The following DOCK1 variants were observed in gnomAD, a reference collection of about 807,000 sequenced individuals.
The protein encoded by DOCK1 is dedicator of cytokinesis protein 1.
Under a neutral mutation model 262.7 loss-of-function variants are expected in DOCK1, and 138 were observed. The observed-to-expected ratio is 0.53, with a 90% confidence interval of 0.46 to 0.61. The LOEUF is 0.61. DOCK1 is among the 20% of genes least tolerant of loss of function. The probability of loss-of-function intolerance (pLI) is 0.00; values close to 1 mark genes in which losing one functional copy is unlikely to be tolerated. For missense variants in DOCK1, 1,908 were observed against 2,370.7 expected (o/e 0.80, Z 4.05); for synonymous variants, 866 against 867.4 (o/e 1.00, Z 0.03).
intron 1 of DOCK1, among the ~76,000 whole-genome samples, chr10:126,957,011 G>A (rs894736789): frequency 1.3e-5 from 2 of 152,142 alleles, no homozygotes; most frequent in Non-Finnish European, 2.9e-5. Context: ...GGGAACATGG[G>A]CTCTCCCTGG....
At chr10:127,221,711 T>A (rs1484245212) in intron 27 of DOCK1, among the ~76,000 whole-genome samples, 1 of 152,240 alleles carries the variant, frequency 6.6e-6, no homozygotes, top group Non-Finnish European at 1.5e-5. Context: ...TGGGCAGAGC[T>A]GTCCGGTGCA....
intron 1 of DOCK1, among the ~76,000 whole-genome samples, chr10:126,949,493 C>G (rs1209178186): frequency 6.6e-6 from 1 of 152,106 alleles, no homozygotes. Flanking sequence ...ATGATGAGAC[C>G]CATTCTTGTG....
At chr10:127,444,904 G>T (rs2070436112) in intron 50 of DOCK1, among the ~76,000 whole-genome samples, 1 of 151,240 alleles carries the variant, frequency 6.6e-6, no homozygotes, top group Non-Finnish European at 1.5e-5. Flanking sequence ...TTGGCTTGTG[G>T]CCACATCACT....
At chr10:127,015,115 T>C (rs1302917197) in intron 12 of DOCK1, 1 of 151,924 alleles carries the variant, frequency 6.6e-6, no homozygotes, top group Non-Finnish European at 1.5e-5. Flanking sequence ...TTTCTATTGG[T>C]GGTTCTTCCT....
intron 27 of DOCK1, among the ~76,000 whole-genome samples, chr10:127,178,060 C>T (rs1365218562): frequency 1.3e-5 from 2 of 152,128 alleles, no homozygotes; most frequent in Admixed American, 6.5e-5. Context: ...GTTAGCATGA[C>T]AGGCCGAGGT....
chr10:127,052,676 A>T lies in DOCK1; in HGVS notation c.2202-5A>T, dbSNP rs1382115724. 6.2e-7 allele frequency: 1 copy of T among 1,613,960 alleles called. No individual in the cohort carries two copies. Among genetic ancestry groups the T allele is most frequent in the East Asian group, 2.2e-5 (1 of 44,884 alleles). ...CTTATTTGTGCGTGTTTGCATTGTG[A>T]ATAGGAAGTTGACAAAAGTGTTGAA... On this transcript the variant is annotated splice_polypyrimidine_tract_variant and splice_region_variant and intron_variant, in intron 21 of 51. Transcript: ENST00000623213.
At chr10:127,113,877 T>TGGA (rs1247683161) in intron 25 of DOCK1, among the ~76,000 whole-genome samples, 1 of 152,206 alleles carries the variant, frequency 6.6e-6, no homozygotes, top group Non-Finnish European at 1.5e-5. Flanking sequence ...CTCTGCAGGA[T>TGGA]GGACATGCTT....
At chr10:127,259,854 C>T (rs1348327738) in intron 29 of DOCK1, among the ~76,000 whole-genome samples, 1 of 149,398 alleles carries the variant, frequency 6.7e-6, no homozygotes, top group African/African-American at 2.5e-5. Flanking sequence ...CCGCATCATT[C>T]TCTCTTCCTA....
At chr10:126,949,749 C>T (rs1275424807) in intron 1 of DOCK1, among the ~76,000 whole-genome samples, 7 of 152,102 alleles carry the variant, frequency 4.6e-5, no homozygotes, top group African/African-American at 1.4e-4. Context: ...ACAAGGTTTG[C>T]TTGTGACAGT....
intron 27 of DOCK1, among the ~76,000 whole-genome samples, chr10:127,153,160 TTTTG>T (rs1374950343): frequency 6.6e-6 from 1 of 152,254 alleles, no homozygotes; most frequent in Non-Finnish European, 1.5e-5. Flanking sequence ...CGCTTTTATA[TTTTG>T]TTTGTGAAAA....
At chr10:127,133,726 T>G (rs1408702064) in intron 27 of DOCK1, among the ~76,000 whole-genome samples, 1 of 152,220 alleles carries the variant, frequency 6.6e-6, no homozygotes, top group African/African-American at 2.4e-5. Context: ...CAGACTGCCT[T>G]AAGTTAATTT....
At chr10:126,958,880 C>A (rs1007720816) in intron 1 of DOCK1, among the ~76,000 whole-genome samples, 8,999 of 152,234 alleles carry the variant, frequency 0.059, 306 homozygotes, top group African/African-American at 0.078. Context: ...TATGAGTGAC[C>A]ATGGCCCGTG....
chr10:126,949,443 C>T (rs1487964360), intron 1 of DOCK1, among the ~76,000 whole-genome samples: 1 of 152,136 alleles, frequency 6.6e-6, no homozygotes, highest in Admixed American at 6.5e-5. Context: ...CTATACATGG[C>T]AGTCCAAAGT....
chr10:127,114,513 T>C (rs1299338533), intron 25 of DOCK1, among the ~76,000 whole-genome samples: 2 of 152,138 alleles, frequency 1.3e-5, no homozygotes, highest in African/African-American at 4.8e-5. Context: ...AAGAGTCTTC[T>C]CTGAGCAGTT....
intron 26 of DOCK1, among the ~76,000 whole-genome samples, chr10:127,127,413 C>CT (rs1258743182): frequency 6.6e-6 from 1 of 152,090 alleles, no homozygotes; most frequent in Non-Finnish European, 1.5e-5. Context: ...AACAGATTTT[C>CT]TTTTATTTTT....
At chr10:127,284,950 T>G (rs915008661) in intron 29 of DOCK1, among the ~76,000 whole-genome samples, 1 of 152,048 alleles carries the variant, frequency 6.6e-6, no homozygotes, top group Non-Finnish European at 1.5e-5. Flanking sequence ...CTGGGCAATA[T>G]AGTCAGACCT....
intron 29 of DOCK1, among the ~76,000 whole-genome samples, chr10:127,314,048 A>G (rs1331732323): frequency 6.6e-6 from 1 of 152,152 alleles, no homozygotes; most frequent in Admixed American, 6.5e-5. Context: ...GCCCGTGAAT[A>G]ATGAGGCTGG....
intron 1 of DOCK1, among the ~76,000 whole-genome samples, chr10:126,949,937 A>C (rs970237780): frequency 2.0e-5 from 3 of 152,014 alleles, no homozygotes; most frequent in Admixed American, 1.3e-4. Context: ...GTTATGCAGC[A>C]TGCAGTGTTG....
intron 29 of DOCK1, among the ~76,000 whole-genome samples, chr10:127,277,524 G>A (rs2060784599): frequency 2.0e-5 from 3 of 152,092 alleles, no homozygotes; most frequent in Non-Finnish European, 2.9e-5. Flanking sequence ...TTGGGAGGCC[G>A]AGGCAGGTGG....
Sources: allele counts gnomAD v4.1 joint callset (sites outside exome capture counted in the v4.1 genomes callset), GRCh38; gene constraint gnomAD v4.1.1; transcripts MANE v1.5; gene names NCBI Gene and HGNC (gene_info 2026-07-23, HGNC 2026-07-21).